Variants in MELK observed in about 807,000 individuals in gnomAD.
The protein encoded by MELK is pEg3 kinase.
Under a neutral mutation model 85.0 loss-of-function variants are expected in MELK, and 81 were observed. The ratio of observed to expected loss-of-function variants is 0.95; its 90% confidence interval spans 0.80 to 1.15. The LOEUF (loss-of-function observed/expected upper bound fraction) is 1.15, where lower values mean the gene tolerates loss of function less well. Ranked by LOEUF, MELK falls within the 50% of genes most tolerant of loss-of-function variation. MELK has a pLI of 0.00. For missense variants in MELK, 754 were observed against 777.5 expected (o/e 0.97, Z 0.36); for synonymous variants, 252 against 265.0 (o/e 0.95, Z 0.48).
chr9:36,594,601 A>G (rs747542645), intron 4 of MELK, 27 bp from the exon 5 acceptor site: 5 of 1,599,822 alleles, frequency 3.1e-6, no homozygotes, highest in East Asian at 2.2e-5. Context: ...AGTTGTAACA[A>G]TATCTGTGAT....
intron 1 of MELK, among the ~76,000 whole-genome samples, chr9:36,576,308 A>G (rs1305201230): frequency 6.6e-6 from 1 of 152,204 alleles, no homozygotes; most frequent in Non-Finnish European, 1.5e-5. Context: ...TTAAATGTTC[A>G]ACCTACTTAT....
Position 36,665,448 on chromosome 9 carries a change from T to C in MELK, c.1275T>C (p.Asn425=). 1 of 1,613,214 alleles carries C rather than the reference T, an allele frequency of 6.2e-7. No individual in the cohort carries two copies. Among genetic ancestry groups the C allele is most frequent in the South Asian group, 1.1e-5 (1 of 91,052 alleles). The stretch of plus-strand genomic sequence containing the variant: ...CAAATAAATTAAAGAACAAAGAAAA[T>C]GTATATACTCCTAAGTCTGCTGTAA... ...TPANKLKNKE[N]VYTPKSAVKN... is the part of the protein sequence containing the mutation. The change falls in exon 14 of 18, where the codon AAT becomes AAC. Residue 425 remains asparagine, a synonymous_variant. Coordinates refer to ENST00000298048, the MANE Select transcript of MELK (RefSeq NM_014791.4).
At chr9:36,606,507 CAT>C (rs1286898606) in intron 7 of MELK, among the ~76,000 whole-genome samples, 1 of 125,574 alleles carries the variant, frequency 8.0e-6, no homozygotes, top group Admixed American at 8.5e-5. Flanking sequence ...ATAATAAATA[CAT>C]ATGTATAGGT....
intron 13 of MELK, among the ~76,000 whole-genome samples, chr9:36,662,623 C>T (rs1040037269): frequency 2.6e-5 from 4 of 152,194 alleles, no homozygotes; most frequent in Non-Finnish European, 2.9e-5. Flanking sequence ...CTCCTGGATT[C>T]CATGCTATTG....
intron 13 of MELK, among the ~76,000 whole-genome samples, chr9:36,662,821 C>A (rs1194054670): frequency 6.6e-6 from 1 of 152,100 alleles, no homozygotes; most frequent in Non-Finnish European, 1.5e-5. Flanking sequence ...AGGACCTTCT[C>A]TTTGCTTTTG....
intron 16 of MELK, 31 bp downstream of exon 16, chr9:36,671,197 C>T (rs372320529): frequency 2.6e-5 from 40 of 1,510,652 alleles, no homozygotes; most frequent in Non-Finnish European, 3.5e-5. Flanking sequence ...TCATATGGAG[C>T]AGAAGCTGAC....
intron 17 of MELK, 68 bp downstream of exon 17, chr9:36,675,005 G>T (rs1833219846): frequency 1.7e-6 from 2 of 1,179,406 alleles, no homozygotes; most frequent in African/African-American, 3.0e-5. Context: ...ATAGGAGTTG[G>T]TTGGGCGCGG....
intron 4 of MELK, among the ~76,000 whole-genome samples, chr9:36,592,322 G>A (rs1030683735): frequency 3.3e-5 from 5 of 151,798 alleles, no homozygotes; most frequent in Admixed American, 2.0e-4. Context: ...TTGTAGGCAC[G>A]TGCCATCACC....
intron 7 of MELK, among the ~76,000 whole-genome samples, chr9:36,602,360 G>A (rs1246639580): frequency 2.0e-5 from 3 of 151,418 alleles, no homozygotes; most frequent in Non-Finnish European, 4.4e-5. Context: ...GCATGGTGAT[G>A]CGCACCTGTA....
intron 17 of MELK, 71 bp downstream of exon 17, chr9:36,675,008 G>A: frequency 8.7e-7 from 1 of 1,150,016 alleles, no homozygotes; most frequent in Non-Finnish European, 1.3e-6. Flanking sequence ...GGAGTTGGTT[G>A]GGCGCGGTGG....
intron 10 of MELK, among the ~76,000 whole-genome samples, chr9:36,638,882 G>A (rs78525396): frequency 6.6e-6 from 1 of 152,204 alleles, no homozygotes; most frequent in Admixed American, 6.5e-5. Flanking sequence ...CAAACAACGA[G>A]TAAGTGTAGA....
chr9:36,621,312 A>C (rs796198481), intron 8 of MELK, among the ~76,000 whole-genome samples: 16 of 135,636 alleles, frequency 1.2e-4, no homozygotes, highest in African/African-American at 4.3e-4. Context: ...AAAAAAAAAA[A>C]AAAAACTTGA....
At chr9:36,655,085 G>C (rs1412462343) in intron 12 of MELK, among the ~76,000 whole-genome samples, 2 of 152,284 alleles carry the variant, frequency 1.3e-5, no homozygotes, top group South Asian at 4.1e-4. Context: ...AAATAACCAC[G>C]TCATCATCAT....
At chr9:36,583,548 C>A in intron 2 of MELK, 79 bp from the exon 3 acceptor site, 1 of 895,700 alleles carries the variant, frequency 1.1e-6, no homozygotes, top group South Asian at 2.6e-5. Flanking sequence ...TTGATAGAGT[C>A]TTTTAAAATT....
chr9:36,643,970 T>G (rs182592085), intron 11 of MELK, among the ~76,000 whole-genome samples: 1 of 150,966 alleles, frequency 6.6e-6, no homozygotes, highest in Non-Finnish European at 1.5e-5. Flanking sequence ...AACAAACTAG[T>G]GCACAAAGAA....
chr9:36,593,960 C>T (rs533109327), intron 4 of MELK, among the ~76,000 whole-genome samples: 8 of 152,328 alleles, frequency 5.3e-5, no homozygotes, highest in South Asian at 4.1e-4. Flanking sequence ...GCCTGAGCCA[C>T]GGCGCCTGGC....
intron 3 of MELK, among the ~76,000 whole-genome samples, chr9:36,585,767 C>A (rs781556165): frequency 8.6e-4 from 130 of 151,488 alleles, no homozygotes; most frequent in Non-Finnish European, 1.6e-3. Flanking sequence ...CAAGTCTTGT[C>A]CCTACAAAAA....
chr9:36,637,238 C>T (rs1829309972), intron 10 of MELK, among the ~76,000 whole-genome samples: 1 of 152,118 alleles, frequency 6.6e-6, no homozygotes, highest in South Asian at 2.1e-4. Context: ...CAAAGCAAGC[C>T]ATGTGACAAA....
intron 8 of MELK, among the ~76,000 whole-genome samples, chr9:36,624,944 G>C (rs757525332): frequency 2.6e-5 from 4 of 152,146 alleles, no homozygotes; most frequent in African/African-American, 9.7e-5. Flanking sequence ...ATGCTGGTAT[G>C]GGGGAGGTGA....
Sources: allele counts gnomAD v4.1 joint callset (sites outside exome capture counted in the v4.1 genomes callset), GRCh38; gene constraint gnomAD v4.1.1; transcripts MANE v1.5; gene names NCBI Gene and HGNC (gene_info 2026-07-23, HGNC 2026-07-21).